RADIL: variants seen among roughly 807,000 people sequenced by gnomAD.
The protein encoded by RADIL is ras-associating and dilute domain-containing protein.
A neutral mutation model predicts 97.6 loss-of-function variants in RADIL; 99 were observed. That is an observed-to-expected ratio of 1.01 (90% CI 0.86 to 1.20). The LOEUF (loss-of-function observed/expected upper bound fraction) is 1.20. Ranked by LOEUF, RADIL falls within the 50% of genes most tolerant of loss-of-function variation. The pLI is 0.00. For missense variants in RADIL, 1,765 were observed against 1,498.9 expected (o/e 1.18, Z -2.93); for synonymous variants, 803 against 691.8 (o/e 1.16, Z -2.52).
rs748550036 is a variant in RADIL at position 4,861,674 on chromosome 7, G to A, written c.535+15931C>T. 4 of 1,598,988 alleles carry A rather than the reference G, an allele frequency of 2.5e-6. No individual in the cohort carries two copies. In the East Asian group the frequency reaches 8.9e-5, roughly 36 times the overall value. ...TTCGAAGACCCCGAAGGGCCTGAGG[G>A]TTTCTATTAGCCTCTGGGTGAGGAG... is the stretch of plus-strand genomic sequence containing the variant. On this transcript the variant is annotated intron_variant, in intron 2 of 14. Transcript: ENST00000399583.
rs572665216 is a variant in RADIL at position 4,818,454 on chromosome 7, C to T, written c.1616-1103G>A. Among the ~76,000 whole-genome samples the T allele has an allele frequency of 2.3e-3, 357 of 152,324 alleles. No homozygotes were observed. The highest frequency in any genetic ancestry group is 8.0e-3 in the African/African-American group (332 of 41,576). Reference sequence around the variant, plus strand: ...CTGCCTGGCCCCCACCCACCAAGCCCGCTCCCCAAGAACCTGTGAAGCCCC... The same window carrying T: ...CTGCCTGGCCCCCACCCACCAAGCCTGCTCCCCAAGAACCTGTGAAGCCCC... On this transcript the variant is annotated intron_variant, in intron 6 of 14. Transcript: ENST00000399583. This position sits in a 1 kb window ranked among gnomAD's most constrained non-coding sequence, Gnocchi z 7.1.
Position 4,880,710 on chromosome 7 carries a change from C to T in RADIL, c.-64-2507G>A, listed in dbSNP as rs901228956. Among the ~76,000 whole-genome samples the T allele has an allele frequency of 5.9e-5, 9 of 152,190 alleles. No individual in the cohort carries two copies. Among genetic ancestry groups the T allele is most frequent in the African/African-American group, 1.9e-4 (8 of 41,446 alleles). On this transcript the variant is annotated intron_variant, in intron 1 of 14. Coordinates refer to ENST00000399583, the MANE Select transcript of RADIL (RefSeq NM_018059.5). This position sits in a 1 kb window ranked among gnomAD's most constrained non-coding sequence, Gnocchi z 4.5. ...TGGTGGATGGTACAGCCTCTGCCAC[C>T]AGGCAGCTGTGGCTCAGGAAACCTC...
rs1289339505 is a variant in RADIL at position 4,821,373 on chromosome 7, G to GCA, written c.1615+1019_1615+1020dup. Among the ~76,000 whole-genome samples, 1 of 152,154 alleles carries GCA rather than the reference G, an allele frequency of 6.6e-6. No individual in the cohort carries two copies. Among genetic ancestry groups the GCA allele is most frequent in the African/African-American group, 2.4e-5 (1 of 41,436 alleles). ...CCTGGGCCGGCTCCTCACTTCCGCA[G>GCA]CACAGCAGCACAGTCCTGCTGCCCC... On this transcript the variant is annotated intron_variant, in intron 6 of 14. Transcript: ENST00000399583. The surrounding 1 kb of genome is among the most constrained non-coding windows in gnomAD (Gnocchi z 5.2).
chr7:4,801,012 GCA>G (rs894645316), intron 12 of RADIL, among the ~76,000 whole-genome samples: 2 of 152,166 alleles, frequency 1.3e-5, no homozygotes, highest in Non-Finnish European at 2.9e-5. Flanking sequence ...GGCCAGCTGC[GCA>G]CACACACTCA....
At chr7:4,804,199 G>T in intron 10 of RADIL, 1 of 252,266 alleles carries the variant, frequency 4.0e-6, no homozygotes, top group South Asian at 5.1e-5. Context: ...GCTGCTCTCT[G>T]CCCCCAGGAA....
chr7:4,880,761 C>G lies in RADIL; in HGVS notation c.-64-2558G>C, dbSNP rs1161342607. On this transcript the variant is annotated intron_variant, in intron 1 of 14. Coordinates refer to ENST00000399583, the MANE Select transcript of RADIL (RefSeq NM_018059.5). This position sits in a 1 kb window ranked among gnomAD's most constrained non-coding sequence, Gnocchi z 4.5. Reference sequence around the variant, plus strand: ...TGCCTCCGGAGATGAAGTCTGAATGCTGATATAAATACGATACCAAAAACT... The same window carrying G: ...TGCCTCCGGAGATGAAGTCTGAATGGTGATATAAATACGATACCAAAAACT... Among the ~76,000 whole-genome samples, 2 of 152,196 alleles carry G rather than the reference C, an allele frequency of 1.3e-5. No homozygotes were observed. The highest frequency in any genetic ancestry group is 2.4e-5 in the African/African-American group (1 of 41,442).
In RADIL at chr7:4,815,371, C is replaced by G; in HGVS notation, c.2046G>C (p.Arg682=). 1 of 1,562,634 alleles carries G rather than the reference C, an allele frequency of 6.4e-7. No homozygotes were observed. Among genetic ancestry groups the G allele is most frequent in the Middle Eastern group, 1.9e-4 (1 of 5,378 alleles). ...ARLQQLLEWM[R]SAGFGAAGEH... is the part of the protein sequence containing the mutation. Reference sequence around the variant, plus strand: ...CTCCAGCCGCCCCGAAGCCGGCGCTCCGCATCCACTCCAGGAGCTGCTGCA... The same window carrying G: ...CTCCAGCCGCCCCGAAGCCGGCGCTGCGCATCCACTCCAGGAGCTGCTGCA... Residue 682 remains arginine (R), a synonymous_variant, in exon 9 of 15, where the codon CGG becomes CGC. Transcript: ENST00000399583. This position sits in a 1 kb window ranked among gnomAD's most constrained non-coding sequence, Gnocchi z 8.0.
intron 5 of RADIL, among the ~76,000 whole-genome samples, chr7:4,831,407 G>A (rs1263571865): frequency 6.6e-6 from 1 of 151,914 alleles, no homozygotes; most frequent in African/African-American, 2.4e-5. Context: ...AGGAGGGAGA[G>A]GATCAGGAAA....
At chr7:4,809,153 C>A (rs866482855) in intron 9 of RADIL, 2 of 985,072 alleles carry the variant, frequency 2.0e-6, no homozygotes, top group South Asian at 4.7e-5. Context: ...GTGGCCCGGC[C>A]GCTTCTGGAA....
intron 1 of RADIL, among the ~76,000 whole-genome samples, chr7:4,881,414 CAAAAAAA>C (rs58871429): frequency 0.36 from 29,255 of 82,112 alleles, 3,458 homozygotes; most frequent in Middle Eastern, 0.47. Context: ...GACTCCCTCT[CAAAAAAA>C]AAAAAAAAAA....
At chr7:4,838,099 C>T (rs1455306562) in intron 2 of RADIL, 21 of 974,866 alleles carry the variant, frequency 2.2e-5, no homozygotes, top group Admixed American at 1.2e-4. Flanking sequence ...GCCGCCCAGC[C>T]GCAGTGCGAG....
intron 5 of RADIL, among the ~76,000 whole-genome samples, chr7:4,827,168 A>C (rs917571303): frequency 1.5e-4 from 22 of 150,658 alleles, no homozygotes; most frequent in African/African-American, 4.9e-5. Context: ...AGTTCAAGAC[A>C]AGCCTGGTCA....
intron 2 of RADIL, among the ~76,000 whole-genome samples, chr7:4,838,946 T>TGCACACGTGCACACGTGCAC: frequency 6.8e-6 from 1 of 146,264 alleles, no homozygotes; most frequent in East Asian, 1.9e-4. Flanking sequence ...CACACATGCA[T>TGCACACGTGCACACGTGCAC]GCACACGTGC....
intron 2 of RADIL, chr7:4,860,145 T>A (rs759433774): frequency 6.2e-7 from 1 of 1,613,914 alleles, no homozygotes; most frequent in African/African-American, 1.3e-5. Flanking sequence ...GCAGGACTGT[T>A]TCTACCCTGA....
Position 4,834,871 on chromosome 7 carries a change from G to A in RADIL, c.1152C>T (p.Ala384=), listed in dbSNP as rs917324277. ...AGGCGGCTCCCCGGGCCCCGAGCGC[G>A]GCCCCGCACAGCCGGCAGCTCTGCG... ...AVPQSCRLCG[A]ALGARGAASP... Residue 384 remains alanine (A), a synonymous_variant, in exon 4 of 15, where the codon GCC becomes GCT. Transcript: ENST00000399583. The surrounding 1 kb of genome is among the most constrained non-coding windows in gnomAD (Gnocchi z 6.0). The A allele has an allele frequency of 1.4e-5, 19 of 1,347,834 alleles. No homozygotes were observed. In the Admixed American group the frequency reaches 2.4e-4, roughly 17 times the overall value. The allele number at this position is 1,347,834 out of a possible 1,614,324, so 83.5% of individuals were successfully genotyped here. A position where few individuals can be genotyped will look rare whatever the true frequency, so the allele number is the denominator to read the frequency against.
rs116599855 is a variant in RADIL, at chr7:4,815,734, G to T, written c.1967-284C>A. Among the ~76,000 whole-genome samples, 1 of 152,246 alleles carries T rather than the reference G, an allele frequency of 6.6e-6. No homozygotes were observed. The highest frequency in any genetic ancestry group is 2.4e-5 in the African/African-American group (1 of 41,566). On this transcript the variant is annotated intron_variant, in intron 8 of 14. Coordinates refer to ENST00000399583, the MANE Select transcript of RADIL (RefSeq NM_018059.5). This position sits in a 1 kb window ranked among gnomAD's most constrained non-coding sequence, Gnocchi z 8.0. Reference sequence around the variant, plus strand: ...TAGCTGGGACCCTCTCCCACTCCCAGACACATGTGCCGGGGGCCTGCCCCC... The same window carrying T: ...TAGCTGGGACCCTCTCCCACTCCCATACACATGTGCCGGGGGCCTGCCCCC...
rs1783330331 is a variant in RADIL, at chr7:4,837,476, C to T, written c.536-871G>A. 6.6e-6 allele frequency among the ~76,000 whole-genome samples: 1 copy of T among 152,226 alleles called. No homozygotes were observed. The highest frequency in any genetic ancestry group is 6.5e-5 in the Admixed American group (1 of 15,282). ...CCCATGGGGCTGCCGATGGCCTGCT[C>T]CTGCAACAGCATCGCTGCCTCCTTC... On this transcript the variant is annotated intron_variant, in intron 2 of 14. Transcript: ENST00000399583. This position sits in a 1 kb window ranked among gnomAD's most constrained non-coding sequence, Gnocchi z 5.6.
rs1406382007 is a variant in RADIL, at chr7:4,819,906, C to A, written c.1615+2488G>T. 6.6e-6 allele frequency among the ~76,000 whole-genome samples: 1 copy of A among 152,238 alleles called. No individual in the cohort carries two copies. Among genetic ancestry groups the A allele is most frequent in the Non-Finnish European group, 1.5e-5 (1 of 68,048 alleles). ...GACCAAAAATAACTTCCTCCCAAGA[C>A]CAAAGGCAGCAGCTCCAACAGCCCA... is the stretch of plus-strand genomic sequence containing the variant. On this transcript the variant is annotated intron_variant, in intron 6 of 14. Transcript: ENST00000399583. The surrounding 1 kb of genome is among the most constrained non-coding windows in gnomAD (Gnocchi z 5.8).
rs151243255 is a variant in RADIL, at chr7:4,810,152, C to G, written c.2140-4436G>C. ...ACAGGCGTCAGCCACCATGCCCGGC[C>G]TTATTTATTTTCTTTTATTATTTAA... On this transcript the variant is annotated intron_variant, in intron 9 of 14. Transcript: ENST00000399583. 7.0e-3 allele frequency among the ~76,000 whole-genome samples: 1,064 copies of G among 151,672 alleles called. 13 individuals are homozygous for G. The highest frequency in any genetic ancestry group is 0.024 in the African/African-American group (998 of 41,330).
Sources: gnomAD v4.1 joint callset for allele counts (sites outside exome capture counted in the v4.1 genomes callset) on GRCh38, gnomAD v4.1.1 for gene constraint, Gnocchi (gnomAD v3.1) non-coding constraint, MANE v1.5 for transcripts, NCBI Gene and HGNC (gene_info 2026-07-23, HGNC 2026-07-21) for gene names.